The following EFNA5 variants were observed in gnomAD, a reference collection of about 807,000 sequenced individuals.
EFNA5 encodes the protein ephrin-A5.
In EFNA5, 5 loss-of-function variants were observed where a neutral mutation model predicts 22.9. The ratio of observed to expected loss-of-function variants is 0.22; its 90% CI spans 0.11 to 0.46. EFNA5 has a LOEUF of 0.46. Among genes scored for constraint, EFNA5 ranks in the 20% least tolerant of loss-of-function variants. The pLI is 0.99. For missense variants in EFNA5, 237 were observed against 293.3 expected (o/e 0.81, Z 1.40); for synonymous variants, 113 against 112.2 (o/e 1.01, Z -0.04).
chr5:107,637,518 C>CTGTGTG (rs987029187), intron 1 of EFNA5, among the ~76,000 whole-genome samples: 6 of 143,558 alleles, frequency 4.2e-5, no homozygotes, highest in African/African-American at 1.3e-4. Context: ...GTGTGTGTGT[C>CTGTGTG]TGTGTGTGTG....
In EFNA5 at chr5:107,533,902, G is replaced by T. The variant is rs981650858; in HGVS notation, c.126-106393C>A. Among the ~76,000 whole-genome samples, 4 of 152,246 alleles carry T rather than the reference G, an allele frequency of 2.6e-5. No homozygotes were observed. The South Asian group carries it at 8.3e-4, about 32-fold the overall frequency. ...GTCATTAGACAATAGTCAATGACTGGAACTGCCGTGAGAGCCTGAACCACA... is the reference window on the plus strand; with the variant it reads ...GTCATTAGACAATAGTCAATGACTGTAACTGCCGTGAGAGCCTGAACCACA... On this transcript the variant is annotated intron_variant, in intron 1 of 4. Transcript: ENST00000333274.
chr5:107,638,947 A>C (rs1750443909), intron 1 of EFNA5, among the ~76,000 whole-genome samples: 1 of 152,356 alleles, frequency 6.6e-6, no homozygotes, highest in Middle Eastern at 3.4e-3. Flanking sequence ...CCATAAATAC[A>C]TAGTTTTTAC....
intron 1 of EFNA5, among the ~76,000 whole-genome samples, chr5:107,578,890 G>A (rs1340304786): frequency 6.6e-6 from 1 of 152,206 alleles, no homozygotes; most frequent in Non-Finnish European, 1.5e-5. Context: ...GACCCCAGCA[G>A]TGTTTTAATT....
intron 1 of EFNA5, among the ~76,000 whole-genome samples, chr5:107,643,348 T>C (rs995008086): frequency 6.6e-6 from 1 of 152,158 alleles, no homozygotes; most frequent in Non-Finnish European, 1.5e-5. Context: ...TTGTGGGTTG[T>C]GAGTCAAGTG....
rs1750028482 is a variant in EFNA5, at chr5:107,467,704, AAG to A, written c.126-40197_126-40196del. Reference sequence around the variant, plus strand: ...CTTTATTGACCTAGAAGTAAAATATAAGAGTCAGAGTCAGCAGGAAAAGCCAG... The same window carrying A: ...CTTTATTGACCTAGAAGTAAAATATAAGTCAGAGTCAGCAGGAAAAGCCAG... On this transcript the variant is annotated intron_variant, in intron 1 of 4. Transcript: ENST00000333274. Among the ~76,000 whole-genome samples, 3 of 152,160 alleles carry A rather than the reference AAG, an allele frequency of 2.0e-5. No individual in the cohort carries two copies. In the South Asian group the frequency reaches 6.2e-4, roughly 32 times the overall value.
intron 1 of EFNA5, among the ~76,000 whole-genome samples, chr5:107,648,987 T>C (rs185165078): frequency 6.6e-5 from 10 of 152,278 alleles, no homozygotes; most frequent in Non-Finnish European, 1.3e-4. Context: ...GGCTGATAGA[T>C]TAATGAAGTT....
At chr5:107,413,533 C>A (rs1279772146) in intron 2 of EFNA5, among the ~76,000 whole-genome samples, 2 of 152,164 alleles carry the variant, frequency 1.3e-5, no homozygotes, top group African/African-American at 4.8e-5. Context: ...ATTCATTATT[C>A]ATTTCTTTCT....
At chr5:107,607,876 T>C (rs1389141981) in intron 1 of EFNA5, among the ~76,000 whole-genome samples, 1 of 152,076 alleles carries the variant, frequency 6.6e-6, no homozygotes, top group Non-Finnish European at 1.5e-5. Context: ...CCTTCAGCAT[T>C]TCCTCCTCCC....
At chr5:107,474,782 C>T (rs1750234815) in intron 1 of EFNA5, among the ~76,000 whole-genome samples, 1 of 119,912 alleles carries the variant, frequency 8.3e-6, no homozygotes, top group Non-Finnish European at 2.0e-5. Context: ...ATGATGCTGG[C>T]TGACCTGCCA....
chr5:107,440,676 C>T (rs994443295), intron 1 of EFNA5, among the ~76,000 whole-genome samples: 2 of 152,162 alleles, frequency 1.3e-5, no homozygotes, highest in South Asian at 2.1e-4. Context: ...ACGACGTACA[C>T]ATTAACATTT....
chr5:107,482,864 C>CTATATATATA (rs1750520222), intron 1 of EFNA5, among the ~76,000 whole-genome samples: 1 of 48,264 alleles, frequency 2.1e-5, no homozygotes, highest in African/African-American at 7.4e-5. Context: ...CTCTCTCTCT[C>CTATATATATA]TCTCTCTATA....
intron 1 of EFNA5, among the ~76,000 whole-genome samples, chr5:107,503,488 T>G (rs897985679): frequency 6.6e-6 from 1 of 152,214 alleles, no homozygotes; most frequent in Admixed American, 6.5e-5. Context: ...TTTTCAATCA[T>G]TCGTTGCTCA....
intron 1 of EFNA5, among the ~76,000 whole-genome samples, chr5:107,445,549 G>A (rs780876478): frequency 4.6e-5 from 7 of 152,076 alleles, no homozygotes. Context: ...TGGAGAAATC[G>A]CAAGATGCTC....
intron 2 of EFNA5, among the ~76,000 whole-genome samples, chr5:107,410,513 T>C (rs545409561): frequency 6.6e-6 from 1 of 152,246 alleles, no homozygotes; most frequent in South Asian, 2.1e-4. Flanking sequence ...TTGTAAATAA[T>C]CTAACCTAAT....
At chr5:107,617,243 G>GAA (rs1561450663) in intron 1 of EFNA5, among the ~76,000 whole-genome samples, 2 of 146,298 alleles carry the variant, frequency 1.4e-5, no homozygotes, top group Non-Finnish European at 3.0e-5. Flanking sequence ...CACACAGAGA[G>GAA]AGAGAGAGAG....
At chr5:107,436,424 T>A (rs1297988822) in intron 1 of EFNA5, among the ~76,000 whole-genome samples, 2 of 152,144 alleles carry the variant, frequency 1.3e-5, no homozygotes, top group African/African-American at 4.8e-5. Context: ...AGCCAAAGAA[T>A]TAAGCAGGCA....
intron 1 of EFNA5, among the ~76,000 whole-genome samples, chr5:107,655,351 A>T (rs1193000701): frequency 6.6e-6 from 1 of 152,152 alleles, no homozygotes; most frequent in Non-Finnish European, 1.5e-5. Context: ...ACAAAATGAT[A>T]TAAGAGCAAC....
chr5:107,611,399 A>G (rs1749817261), intron 1 of EFNA5, among the ~76,000 whole-genome samples: 1 of 152,226 alleles, frequency 6.6e-6, no homozygotes, highest in Non-Finnish European at 1.5e-5. Context: ...CGTTTCCCAC[A>G]AAAACCTATG....
At chr5:107,394,046 G>C (rs184288250) in intron 2 of EFNA5, among the ~76,000 whole-genome samples, 78 of 152,270 alleles carry the variant, frequency 5.1e-4, no homozygotes, top group African/African-American at 1.8e-3. Context: ...TTTGCAACTG[G>C]CTATGTGCCC....
Sources: allele counts gnomAD v4.1 joint callset (sites outside exome capture counted in the v4.1 genomes callset), GRCh38; gene constraint gnomAD v4.1.1; transcripts MANE v1.5; gene names NCBI Gene and HGNC (gene_info 2026-07-23, HGNC 2026-07-21).